Variants in SLC1A6 observed in about 807,000 individuals in gnomAD.
SLC1A6 encodes excitatory amino acid transporter 4.
In SLC1A6, 15 loss-of-function variants were observed where a neutral mutation model predicts 42.1. That is an observed-to-expected ratio of 0.36 (90% CI 0.24 to 0.55). The LOEUF (loss-of-function observed/expected upper bound fraction) is 0.55. Among genes scored for constraint, SLC1A6 ranks in the 20% least tolerant of loss-of-function variants. The pLI is 0.88. For missense variants in SLC1A6, 542 were observed against 772.5 expected (o/e 0.70, Z 3.54); for synonymous variants, 317 against 319.7 (o/e 0.99, Z 0.09).
chr19:14,982,077 T>A (rs897769953), upstream of SLC1A6, among the ~76,000 whole-genome samples: 1 of 148,236 alleles, frequency 6.7e-6, no homozygotes, highest in Non-Finnish European at 1.5e-5. Context: ...AAATAAAATT[T>A]AAAAATGAGA....
intron 3 of SLC1A6, 125 bp downstream of exon 3, chr19:14,971,612 A>C (rs1446195961): frequency 1.0e-6 from 1 of 960,520 alleles, no homozygotes; most frequent in African/African-American, 1.6e-5. Context: ...TGGACCAGAC[A>C]CAGGCTCCAT....
At chr19:14,954,022 G>A (rs1599979410) in intron 8 of SLC1A6, 113 bp downstream of exon 8, 3 of 906,772 alleles carry the variant, frequency 3.3e-6, no homozygotes, top group Non-Finnish European at 3.4e-6. Context: ...TCCAACATCC[G>A]TGGGCTCCTC....
chr19:14,952,942 G>C lies in SLC1A6; in HGVS notation c.1485C>G (p.Ala495=), dbSNP rs1403758612. ...AGAACACTCACAGGAACCAGTCCACGGCAATGATGAGCGTGATGTCTTCCG... is the reference window on the plus strand; with the variant it reads ...AGAACACTCACAGGAACCAGTCCACCGCAATGATGAGCGTGATGTCTTCCG... ...LPTEDITLII[A]VDWFLDRLRT... The change falls in exon 9 of 10, where the codon GCC becomes GCG. Residue 495 remains alanine (A), a synonymous_variant. Transcript: ENST00000594383. The C allele has an allele frequency of 6.2e-6, 10 of 1,613,820 alleles. No individual in the cohort carries two copies. Among genetic ancestry groups the C allele is most frequent in the Non-Finnish European group, 7.6e-6 (9 of 1,179,872 alleles).
At chr19:14,950,688 C>T (rs1428549605) in intron 9 of SLC1A6, among the ~76,000 whole-genome samples, 1 of 151,976 alleles carries the variant, frequency 6.6e-6, no homozygotes, top group African/African-American at 2.4e-5. Context: ...GATATGATCC[C>T]AGCACTTTGG....
At chr19:14,954,973 G>A (rs577543076) in intron 7 of SLC1A6, among the ~76,000 whole-genome samples, 48 of 152,300 alleles carry the variant, frequency 3.2e-4, no homozygotes, top group Admixed American at 1.2e-3. Flanking sequence ...GTTTGCACCA[G>A]CATTGACCTC....
At chr19:14,966,827 G>A (rs2045578842) in intron 4 of SLC1A6, among the ~76,000 whole-genome samples, 1 of 152,100 alleles carries the variant, frequency 6.6e-6, no homozygotes, top group Non-Finnish European at 1.5e-5. Context: ...GTTGAACAAT[G>A]AGAATACATG....
upstream of SLC1A6, among the ~76,000 whole-genome samples, chr19:14,983,836 A>G (rs1463995344): frequency 1.3e-5 from 2 of 151,400 alleles, no homozygotes; most frequent in Admixed American, 1.3e-4. Context: ...ACTGTTGGCC[A>G]TGAGCTCAAT....
intron 9 of SLC1A6, among the ~76,000 whole-genome samples, chr19:14,951,253 CAAAAA>C (rs1164185118): frequency 0.021 from 1,844 of 86,282 alleles, 16 homozygotes; most frequent in East Asian, 0.18. Flanking sequence ...CTCTGTCTCA[CAAAAA>C]AAAAAAAAAA....
chr19:14,993,372 G>A lies in SLC1A6; in HGVS notation c.6+17113C>T, dbSNP rs191776890. Among the ~76,000 whole-genome samples, 400 of 151,974 alleles carry A rather than the reference G, an allele frequency of 2.6e-3. 2 individuals are homozygous for A. Among genetic ancestry groups the A allele is most frequent in the African/African-American group, 9.1e-3 (379 of 41,430 alleles). On this transcript the variant is annotated intron_variant, in intron 1 of 8. Transcript: ENST00000430939. The stretch of plus-strand genomic sequence containing the variant: ...TGTAGTCAAACTTGATAATGCTGAC[G>A]GTAGCACAGCACTGCAAATGTACTA...
intron 1 of SLC1A6, among the ~76,000 whole-genome samples, chr19:15,001,205 A>G (rs1390472424): frequency 6.6e-6 from 1 of 152,082 alleles, no homozygotes; most frequent in African/African-American, 2.4e-5. Context: ...AATAACTAAG[A>G]CAAATGAGAT....
intron 4 of SLC1A6, among the ~76,000 whole-genome samples, chr19:14,964,592 G>A (rs1046726277): frequency 6.6e-6 from 1 of 152,124 alleles, no homozygotes; most frequent in African/African-American, 2.4e-5. Flanking sequence ...CCACAGCCCA[G>A]AGAATTGATG....
rs564150387 is a variant in SLC1A6 at position 14,972,891 on chromosome 19, C to T, written c.20G>A (p.Ser7Asn). The change falls in exon 2 of 10, where the codon AGC (serine) becomes AAC (asparagine). Residue 7 changes from serine (S) to asparagine (N), a missense_variant. Coordinates refer to ENST00000594383, the MANE Select transcript of SLC1A6 (RefSeq NM_005071.3). MSSHGN[S>N]LFLRESGQRL... ...CTGGCCGCTCTCCCGCAGGAACAGG[C>T]TGTTGCCATGGCTGCTCATGGTCTA... 37 of 1,592,308 alleles carry T rather than the reference C, an allele frequency of 2.3e-5. No homozygotes were observed. In the South Asian group the frequency reaches 3.7e-4, roughly 16 times the overall value.
chr19:14,967,080 C>T (rs1440467495), intron 4 of SLC1A6, among the ~76,000 whole-genome samples: 2 of 152,142 alleles, frequency 1.3e-5, no homozygotes, highest in Non-Finnish European at 2.9e-5. Context: ...TCATGCTGCT[C>T]TAAGAGAATC....
intron 8 of SLC1A6, among the ~76,000 whole-genome samples, chr19:14,953,284 C>T (rs987840745): frequency 7.9e-6 from 1 of 126,210 alleles, no homozygotes; most frequent in Non-Finnish European, 1.7e-5. Flanking sequence ...CCTCACCTTG[C>T]CCCTGCCTCG....
rs567790593 is a variant in SLC1A6, at chr19:14,988,752, C to T, written c.7-15835G>A. Among the ~76,000 whole-genome samples the T allele has an allele frequency of 7.2e-5, 11 of 152,182 alleles. No individual in the cohort carries two copies. The South Asian group carries it at 8.3e-4, about 11-fold the overall frequency. On this transcript the variant is annotated intron_variant, in intron 1 of 8. Transcript: ENST00000430939. ...AAATACTAGCTGGTGTGGTGGCTCA[C>T]GCCTGTAATCCCAACACTGTGGGAG...
intron 5 of SLC1A6, 160 bp downstream of exon 5, chr19:14,964,159 A>C: frequency 1.5e-6 from 1 of 649,582 alleles, no homozygotes; most frequent in Non-Finnish European, 2.8e-6. Flanking sequence ...CCCCCAGATC[A>C]CCATGGAAAA....
intron 7 of SLC1A6, among the ~76,000 whole-genome samples, chr19:14,955,466 A>G (rs1480427456): frequency 6.6e-6 from 1 of 151,438 alleles, no homozygotes; most frequent in Non-Finnish European, 1.5e-5. Context: ...GGGCTAAAAA[A>G]TTAGCCGGGA....
At chr19:15,008,029 C>A (rs867487021) in intron 1 of SLC1A6, among the ~76,000 whole-genome samples, 19 of 135,932 alleles carry the variant, frequency 1.4e-4, no homozygotes, top group African/African-American at 4.3e-4. Flanking sequence ...CTGCCCCCCC[C>A]CCAAAAAAAA....
chr19:14,985,963 AG>A (rs1466382615), intron 1 of SLC1A6, among the ~76,000 whole-genome samples: 4 of 152,286 alleles, frequency 2.6e-5, no homozygotes, highest in Admixed American at 6.5e-5. Flanking sequence ...GTCTCAAAAA[AG>A]AAAAAAAACA....
Sources: gnomAD v4.1 joint callset for allele counts (sites outside exome capture counted in the v4.1 genomes callset) on GRCh38, gnomAD v4.1.1 for gene constraint, MANE v1.5 for transcripts, NCBI Gene and HGNC (gene_info 2026-07-23, HGNC 2026-07-21) for gene names.